Variants in ADARB1 observed in about 807,000 individuals in gnomAD.
The protein encoded by ADARB1 is double-stranded RNA-specific editase 1.
Under a neutral mutation model 52.4 loss-of-function variants are expected in ADARB1, and 10 were observed. That is an observed-to-expected ratio of 0.19 (90% CI 0.12 to 0.32). The LOEUF (loss-of-function observed/expected upper bound fraction) is 0.32, where lower values mean the gene tolerates loss of function less well. ADARB1 is among the 10% of genes least tolerant of loss of function. The pLI, the probability that ADARB1 is intolerant of heterozygous loss-of-function variation, is 1.00. For synonymous variants in ADARB1, 349 were observed against 371.1 expected (o/e 0.94, Z 0.68); for missense variants, 643 against 922.3 (o/e 0.70, Z 3.92).
intron 1 of ADARB1, among the ~76,000 whole-genome samples, chr21:45,079,538 C>T (rs1207898979): frequency 6.6e-6 from 1 of 152,108 alleles, no homozygotes; most frequent in Non-Finnish European, 1.5e-5. Context: ...CAGCTCCACT[C>T]AAGGGCCAGA....
chr21:45,103,096 C>A (rs1309357633), intron 1 of ADARB1, among the ~76,000 whole-genome samples: 1 of 152,170 alleles, frequency 6.6e-6, no homozygotes, highest in Non-Finnish European at 1.5e-5. Context: ...CCTCAACAGT[C>A]AAAAACCAAG....
At position 45,074,755 on chromosome 21, in the gene ADARB1, C is replaced by A. The variant is rs1002515309; in HGVS notation, c.-258C>A. 2 of 146,248 alleles carry A rather than the reference C, an allele frequency of 1.4e-5. No homozygotes were observed. The highest frequency in any genetic ancestry group is 4.9e-5 in the African/African-American group (2 of 40,538). 9.1% of individuals were successfully genotyped at this position (146,248 alleles called of 1,614,324 possible). A position where few individuals can be genotyped will look rare whatever the true frequency, so the allele number is the denominator to read the frequency against. Reference sequence around the variant, plus strand: ...GAGACTGCGGCCGAAGCGTGGGGCGCGCGTGCGGAGGACCAGGCGCGGCGC... The same window carrying A: ...GAGACTGCGGCCGAAGCGTGGGGCGAGCGTGCGGAGGACCAGGCGCGGCGC... On this transcript the variant is annotated 5_prime_UTR_variant, in exon 1 of 11. Coordinates refer to ENST00000348831, the MANE Select transcript of ADARB1 (RefSeq NM_001112.4).
At chr21:45,215,521 G>C (rs80174569) in intron 9 of ADARB1, among the ~76,000 whole-genome samples, 3,077 of 152,110 alleles carry the variant, frequency 0.02, 104 homozygotes, top group African/African-American at 0.065. Flanking sequence ...CCAGCTACTT[G>C]GGAACTAAGG....
At chr21:45,155,538 A>G (rs892388916) in intron 2 of ADARB1, among the ~76,000 whole-genome samples, 7 of 152,056 alleles carry the variant, frequency 4.6e-5, no homozygotes, top group African/African-American at 1.4e-4. Flanking sequence ...CTGTCCGTCA[A>G]CCTATCATCC....
intron 1 of ADARB1, among the ~76,000 whole-genome samples, chr21:45,083,890 G>T (rs1310087202): frequency 6.6e-6 from 1 of 152,086 alleles, no homozygotes; most frequent in African/African-American, 2.4e-5. Context: ...TTGTAGAGAC[G>T]GGGTTTTACC....
At chr21:45,191,876 ATATATTTTTTTTTTTT>A (rs1168538803) in intron 8 of ADARB1, among the ~76,000 whole-genome samples, 12 of 35,070 alleles carry the variant, frequency 3.4e-4, no homozygotes, top group African/African-American at 4.9e-4. Context: ...ATATATATAT[ATATATTTTTTTTTTTT>A]TTTTTTTTTT....
At chr21:45,151,757 T>A (rs983637757) in intron 2 of ADARB1, among the ~76,000 whole-genome samples, 4 of 152,094 alleles carry the variant, frequency 2.6e-5, no homozygotes, top group Non-Finnish European at 5.9e-5. Flanking sequence ...TGCTGTATGA[T>A]GTGTGTATGT....
Position 45,144,755 on chromosome 21 carries a change from G to GT in ADARB1, c.-48+16183dup, listed in dbSNP as rs899796933. On this transcript the variant is annotated intron_variant, in intron 2 of 10. Transcript: ENST00000348831. ...GAATTAATATGCAGTAAGAGAGCCA[G>GT]TGCCCCACCAGGGCACCTTTCCACT... 4.1e-5 allele frequency: 16 copies of GT among 389,042 alleles called. 1 individual carries two copies. The highest frequency in any genetic ancestry group is 7.3e-5 in the Non-Finnish European group (14 of 191,852). The allele number at this position is 389,042 out of a possible 1,614,324, so 24.1% of individuals were successfully genotyped here. A position where few individuals can be genotyped will look rare whatever the true frequency, so the allele number is the denominator to read the frequency against.
chr21:45,144,626 T>C (rs2089915793), intron 2 of ADARB1: 1 of 453,614 alleles, frequency 2.2e-6, no homozygotes, highest in East Asian at 7.0e-5. Context: ...TCAATAATCC[T>C]AAAGGTGGAA....
rs1437034337 is a variant in ADARB1 at position 45,200,817 on chromosome 21, A to G, written c.1566-3738A>G. ...CTGTGGAGGCTGTGGTTTGGGTCAGAGTAGTTCTCCTGCCCTGTGTGGTCT... is the reference window on the plus strand; with the variant it reads ...CTGTGGAGGCTGTGGTTTGGGTCAGGGTAGTTCTCCTGCCCTGTGTGGTCT... On this transcript the variant is annotated intron_variant, in intron 8 of 10. Coordinates refer to ENST00000348831, the MANE Select transcript of ADARB1 (RefSeq NM_001112.4). The surrounding 1 kb of genome is among the most constrained non-coding windows in gnomAD (Gnocchi z 5.0). Among the ~76,000 whole-genome samples the G allele has an allele frequency of 6.6e-6, 1 of 152,168 alleles. No individual in the cohort carries two copies. The highest frequency in any genetic ancestry group is 1.9e-4 in the East Asian group (1 of 5,190).
chr21:45,174,805 G>A (rs907302981), intron 3 of ADARB1, among the ~76,000 whole-genome samples: 1 of 152,044 alleles, frequency 6.6e-6, no homozygotes, highest in African/African-American at 2.4e-5. Context: ...AAAATTGTCT[G>A]TATTAATTCA....
Position 45,222,222 on chromosome 21 carries a change from C to T in ADARB1, c.*25C>T. 6.5e-7 allele frequency: 1 copy of T among 1,533,942 alleles called. No homozygotes were observed. The highest frequency in any genetic ancestry group is 8.7e-7 in the Non-Finnish European group (1 of 1,145,232). ...ACCCGGGCAGACATGATGGGGGGTG[C>T]AGGGGGCTGTGGGCATCCAGCGTCA... On this transcript the variant is annotated 3_prime_UTR_variant, in exon 11 of 11. Coordinates refer to ENST00000348831, the MANE Select transcript of ADARB1 (RefSeq NM_001112.4).
chr21:45,224,756 G>A lies in ADARB1; in HGVS notation c.*2559G>A. 2.0e-6 allele frequency: 2 copies of A among 990,634 alleles called. No individual in the cohort carries two copies. Among genetic ancestry groups the A allele is most frequent in the Non-Finnish European group, 2.4e-6 (2 of 833,592 alleles). 61.4% of individuals were successfully genotyped at this position (990,634 alleles called of 1,614,324 possible). On this transcript the variant is annotated 3_prime_UTR_variant, in exon 11 of 11. Coordinates refer to ENST00000348831, the MANE Select transcript of ADARB1 (RefSeq NM_001112.4). ...GCGGCTGTGGGGAGGAAGGTGACGT[G>A]CAGGGGACCAGAGGCTCTGCACTGC...
rs2089784601 is a variant in ADARB1 at position 45,142,546 on chromosome 21, T to A, written c.-48+13973T>A. Among the ~76,000 whole-genome samples the A allele has an allele frequency of 6.6e-6, 1 of 152,182 alleles. No homozygotes were observed. On this transcript the variant is annotated intron_variant, in intron 2 of 10. Coordinates refer to ENST00000348831, the MANE Select transcript of ADARB1 (RefSeq NM_001112.4). The surrounding 1 kb of genome is among the most constrained non-coding windows in gnomAD (Gnocchi z 4.0). The stretch of plus-strand genomic sequence containing the variant: ...TGTTTTTTCTTTAACTGGGCAGCAT[T>A]GTAGCGGGGTGGAGTGTGGGTCCCC...
At chr21:45,084,111 A>G (rs953293651) in intron 1 of ADARB1, among the ~76,000 whole-genome samples, 4 of 152,232 alleles carry the variant, frequency 2.6e-5, no homozygotes, top group African/African-American at 9.6e-5. Context: ...AGGATGGTGC[A>G]TTCTCTTCAT....
intron 5 of ADARB1, chr21:45,181,609 T>C (rs994637271): frequency 1.3e-5 from 2 of 152,530 alleles, no homozygotes; most frequent in African/African-American, 4.8e-5. Flanking sequence ...TTTTTGTTGT[T>C]GTTGTTTTTA....
At chr21:45,085,410 A>C (rs1003496580) in intron 1 of ADARB1, among the ~76,000 whole-genome samples, 1 of 152,222 alleles carries the variant, frequency 6.6e-6, no homozygotes, top group African/African-American at 2.4e-5. Flanking sequence ...ACCTAAGCAT[A>C]AATAGTGTGA....
intron 3 of ADARB1, 96 bp from the exon 4 acceptor site, chr21:45,175,634 A>T: frequency 8.2e-7 from 1 of 1,220,584 alleles, no homozygotes; most frequent in African/African-American, 1.5e-5. Context: ...CACATCACTT[A>T]ACCAGTTACA....
At chr21:45,114,406 A>G (rs2087717090) in intron 1 of ADARB1, among the ~76,000 whole-genome samples, 1 of 152,266 alleles carries the variant, frequency 6.6e-6, no homozygotes, top group Non-Finnish European at 1.5e-5. Flanking sequence ...GTTTTTGTTC[A>G]TAAAGCCTTG....
Sources: allele counts gnomAD v4.1 joint callset (sites outside exome capture counted in the v4.1 genomes callset), GRCh38; gene constraint gnomAD v4.1.1; non-coding constraint Gnocchi (gnomAD v3.1); transcripts MANE v1.5; gene names NCBI Gene and HGNC (gene_info 2026-07-23, HGNC 2026-07-21).